Variants in CSMD1 observed in about 807,000 individuals in gnomAD.
The protein encoded by CSMD1 is CUB and Sushi multiple domains 1.
CSMD1 carries 213 observed loss-of-function variants against 417.5 expected under a neutral mutation model. The ratio of observed to expected loss-of-function variants is 0.51; its 90% CI spans 0.46 to 0.57. The LOEUF (loss-of-function observed/expected upper bound fraction) is 0.57, where lower values mean the gene tolerates loss of function less well. Ranked by LOEUF, CSMD1 falls within the 20% of genes least tolerant of loss-of-function variation. CSMD1 has a pLI of 0.00. For missense variants in CSMD1, 6,923 were observed against 4,529.7 expected, an observed-to-expected ratio of 1.53 and a Z score of -15.17; for synonymous variants, 2,862 against 1,736.8, an observed-to-expected ratio of 1.65 and a Z score of -16.11.
chr8:4,385,495 T>A (rs1433201729), intron 3 of CSMD1, among the ~76,000 whole-genome samples: 2 of 152,208 alleles, frequency 1.3e-5, no homozygotes, highest in African/African-American at 4.8e-5. Flanking sequence ...ATTTGGAGCT[T>A]AGTACTACCG....
intron 12 of CSMD1, among the ~76,000 whole-genome samples, chr8:3,461,227 C>T (rs1187248812): frequency 6.6e-6 from 1 of 152,208 alleles, no homozygotes; most frequent in African/African-American, 2.4e-5. Flanking sequence ...GAAGAAGATG[C>T]AAGGGCTACT....
At chr8:4,462,985 C>CA (rs1218902249) in intron 2 of CSMD1, among the ~76,000 whole-genome samples, 14 of 152,008 alleles carry the variant, frequency 9.2e-5, no homozygotes, top group African/African-American at 3.4e-4. Context: ...CTTTGTATTT[C>CA]AAAAAACATT....
chr8:3,731,770 G>T (rs923113280), intron 6 of CSMD1, among the ~76,000 whole-genome samples: 1 of 152,094 alleles, frequency 6.6e-6, no homozygotes, highest in Non-Finnish European at 1.5e-5. Flanking sequence ...CAATATTAAT[G>T]GTAACAGCAT....
intron 50 of CSMD1, among the ~76,000 whole-genome samples, chr8:3,031,542 T>C (rs1013092444): frequency 2.0e-5 from 3 of 152,112 alleles, no homozygotes; most frequent in African/African-American, 7.2e-5. Flanking sequence ...GACTCAACTT[T>C]GTTCTTTCTT....
chr8:3,082,064 C>T (rs1171258623), intron 49 of CSMD1, among the ~76,000 whole-genome samples: 4 of 152,198 alleles, frequency 2.6e-5, no homozygotes, highest in Admixed American at 2.6e-4. Flanking sequence ...TTTTTACCTG[C>T]TTTCACGAGA....
intron 5 of CSMD1, among the ~76,000 whole-genome samples, chr8:3,967,771 G>C (rs989619270): frequency 1.3e-5 from 2 of 152,058 alleles, no homozygotes; most frequent in Non-Finnish European, 1.5e-5. Flanking sequence ...TATTACGTGT[G>C]AACTAACTAC....
intron 5 of CSMD1, among the ~76,000 whole-genome samples, chr8:3,861,777 C>A (rs1357422275): frequency 6.6e-6 from 1 of 152,194 alleles, no homozygotes; most frequent in Non-Finnish European, 1.5e-5. Context: ...TACTGGCCCA[C>A]TGAGTATCCT....
chr8:4,753,238 T>A (rs1811451627), intron 1 of CSMD1, among the ~76,000 whole-genome samples: 2 of 151,780 alleles, frequency 1.3e-5, no homozygotes, highest in East Asian at 3.9e-4. Flanking sequence ...TTTTCTGCTG[T>A]TCTGGGCTGA....
intron 3 of CSMD1, among the ~76,000 whole-genome samples, chr8:4,172,593 C>T (rs549833740): frequency 6.6e-6 from 1 of 152,226 alleles, no homozygotes; most frequent in South Asian, 2.1e-4. Context: ...TGGTAAGGAA[C>T]ATCTAACTAA....
At position 3,346,091 on chromosome 8, in the gene CSMD1, A is replaced by G. The variant is rs146716681; in HGVS notation, c.3474+1901T>C. On this transcript the variant is annotated intron_variant, in intron 22 of 69. Transcript: ENST00000635120. The stretch of plus-strand genomic sequence containing the variant: ...TTGAAAATTAAGATAATTTTACTAT[A>G]AACATTTTTAACAGAGATATTTTTT... Among the ~76,000 whole-genome samples, 438 of 152,364 alleles carry G rather than the reference A, an allele frequency of 2.9e-3. 3 individuals carry two copies. The highest frequency in any genetic ancestry group is 9.8e-3 in the African/African-American group (408 of 41,592).
In CSMD1 at chr8:3,237,035, C is replaced by T. The variant is rs112206717; in HGVS notation, c.4154-6804G>A. Among the ~76,000 whole-genome samples the T allele has an allele frequency of 9.1e-4, 138 of 152,174 alleles. 1 individual carries two copies. Among genetic ancestry groups the T allele is most frequent in the African/African-American group, 3.1e-3 (130 of 41,496 alleles). ...CAGCTTGAGCAACAAAGAACCTGCG[C>T]TGCCCTTCACAAAACAGCAGTGGGT... is the stretch of plus-strand genomic sequence containing the variant. On this transcript the variant is annotated intron_variant, in intron 26 of 69. Transcript: ENST00000635120.
chr8:3,627,114 A>T (rs769671263), intron 7 of CSMD1, among the ~76,000 whole-genome samples: 2 of 152,118 alleles, frequency 1.3e-5, no homozygotes, highest in African/African-American at 2.4e-5. Flanking sequence ...CCTATCAATA[A>T]CTCCATTTGA....
intron 5 of CSMD1, among the ~76,000 whole-genome samples, chr8:3,997,579 G>C (rs1212332360): frequency 1.3e-5 from 2 of 152,166 alleles, no homozygotes; most frequent in Admixed American, 6.5e-5. Context: ...AAAAATCTCT[G>C]CTCACAGTGA....
At chr8:3,841,291 A>C (rs1803116624) in intron 5 of CSMD1, among the ~76,000 whole-genome samples, 1 of 152,196 alleles carries the variant, frequency 6.6e-6, no homozygotes, top group Non-Finnish European at 1.5e-5. Flanking sequence ...TTTAAAACTA[A>C]ATTAAAAAAT....
At chr8:4,694,988 C>T (rs78542190) in intron 1 of CSMD1, among the ~76,000 whole-genome samples, 1 of 151,974 alleles carries the variant, frequency 6.6e-6, no homozygotes, top group Non-Finnish European at 1.5e-5. Context: ...CATTAAAATA[C>T]GAAGGTATTA....
chr8:3,396,174 C>A lies in CSMD1; in HGVS notation c.2593+20G>T. On this transcript the variant is annotated intron_variant, in intron 17 of 69. Transcript: ENST00000635120. ...CATGCATGCTGCCCTGCCGGGCTGTCAAGGGAAGGTGCAACTCACTCTCAT... is the reference window on the plus strand; with the variant it reads ...CATGCATGCTGCCCTGCCGGGCTGTAAAGGGAAGGTGCAACTCACTCTCAT... 6.4e-7 allele frequency: 1 copy of A among 1,551,550 alleles called. No homozygotes were observed. Among genetic ancestry groups the A allele is most frequent in the Non-Finnish European group, 8.7e-7 (1 of 1,147,270 alleles).
At chr8:4,049,090 T>C (rs1432486562) in intron 3 of CSMD1, among the ~76,000 whole-genome samples, 1 of 152,192 alleles carries the variant, frequency 6.6e-6, no homozygotes, top group Non-Finnish European at 1.5e-5. Flanking sequence ...CCTCCATTTT[T>C]TTCTATCCTG....
intron 5 of CSMD1, among the ~76,000 whole-genome samples, chr8:3,938,024 T>A (rs938693153): frequency 6.6e-6 from 1 of 152,112 alleles, no homozygotes; most frequent in Non-Finnish European, 1.5e-5. Context: ...GCATCTAACA[T>A]AAAATAAAAA....
At chr8:3,257,044 A>G (rs1271157573) in intron 26 of CSMD1, among the ~76,000 whole-genome samples, 1 of 152,200 alleles carries the variant, frequency 6.6e-6, no homozygotes, top group Admixed American at 6.5e-5. Flanking sequence ...TCTGAGGGCC[A>G]GGTACAGTGG....
Sources: allele counts gnomAD v4.1 joint callset (sites outside exome capture counted in the v4.1 genomes callset), GRCh38; gene constraint gnomAD v4.1.1; transcripts MANE v1.5; gene names NCBI Gene and HGNC (gene_info 2026-07-23, HGNC 2026-07-21).